The following C4orf50 variants were observed in gnomAD, a reference collection of about 807,000 sequenced individuals.
C4orf50 encodes the protein uncharacterized protein C4orf50.
Under a neutral mutation model 77.2 loss-of-function variants are expected in C4orf50, and 80 were observed. The ratio of observed to expected loss-of-function variants is 1.04; its 90% confidence interval spans 0.87 to 1.25. The LOEUF (loss-of-function observed/expected upper bound fraction) is 1.25, where lower values mean the gene tolerates loss of function less well. Ranked by LOEUF, C4orf50 falls within the 50% of genes most tolerant of loss-of-function variation. The probability of loss-of-function intolerance (pLI) is 0.00; values close to 1 mark genes in which losing one functional copy is unlikely to be tolerated. For synonymous variants in C4orf50, 532 were observed against 465.3 expected (o/e 1.14, Z -1.84); for missense variants, 1,257 against 1,152.9 (o/e 1.09, Z -1.31).
At chr4:5,938,141 C>T (rs989773571) in intron 7 of C4orf50, among the ~76,000 whole-genome samples, 2 of 152,194 alleles carry the variant, frequency 1.3e-5, no homozygotes, top group Admixed American at 6.5e-5. Context: ...TTCAAACATA[C>T]ATGGAACATT....
At chr4:5,980,394 CT>C in intron 28 of C4orf50, 56 bp from the exon 7 acceptor site, 8 of 1,534,700 alleles carry the variant, frequency 5.2e-6, no homozygotes, top group Non-Finnish European at 6.1e-6. Context: ...AGCAATTTGC[CT>C]TAGCCAACAA....
At chr4:6,000,000 G>T (rs1025412100) in intron 25 of C4orf50, among the ~76,000 whole-genome samples, 1 of 152,098 alleles carries the variant, frequency 6.6e-6, no homozygotes, top group Non-Finnish European at 1.5e-5. Flanking sequence ...GAACACCGGG[G>T]GCCTTGAATG....
chr4:5,941,125 ATCT>A (rs1287681917), intron 7 of C4orf50, among the ~76,000 whole-genome samples: 4 of 152,170 alleles, frequency 2.6e-5, no homozygotes, highest in African/African-American at 9.7e-5. Context: ...TATCTAATTT[ATCT>A]TCTTTCTTCT....
At chr4:5,993,871 A>T (rs555440643) in intron 26 of C4orf50, among the ~76,000 whole-genome samples, 1 of 149,600 alleles carries the variant, frequency 6.7e-6, no homozygotes, top group Non-Finnish European at 1.5e-5. Context: ...AAAAAAAAAG[A>T]GAGAGAGAGA....
At chr4:5,953,361 G>T (rs28372403), downstream of C4orf50, among the ~76,000 whole-genome samples, 613 of 152,266 alleles carry the variant, frequency 4.0e-3, 6 homozygotes, top group African/African-American at 0.014. Context: ...GAGGTTAAAT[G>T]ACTCACCTAG....
At chr4:5,986,472 T>C (rs181079708) in intron 28 of C4orf50, among the ~76,000 whole-genome samples, 20 of 152,274 alleles carry the variant, frequency 1.3e-4, no homozygotes, top group African/African-American at 4.8e-4. Context: ...TTGTTGCTTG[T>C]TTTTATTTCA....
At chr4:5,982,454 C>T (rs983534200) in intron 28 of C4orf50, among the ~76,000 whole-genome samples, 1 of 152,158 alleles carries the variant, frequency 6.6e-6, no homozygotes, top group Non-Finnish European at 1.5e-5. Flanking sequence ...CCTCCAGGAG[C>T]TCAGGCGGGT....
chr4:5,953,890 C>G (rs980585901), downstream of C4orf50, among the ~76,000 whole-genome samples: 4 of 152,222 alleles, frequency 2.6e-5, no homozygotes, highest in East Asian at 5.8e-4. Context: ...GCTGAGGCAG[C>G]CTCTGTAAAA....
chr4:5,978,373 A>G (rs1410906974), intron 29 of C4orf50, among the ~76,000 whole-genome samples: 1 of 152,242 alleles, frequency 6.6e-6, no homozygotes, highest in Non-Finnish European at 1.5e-5. Context: ...GACTAACTGA[A>G]ATTAAGAACT....
chr4:5,915,111 C>T (rs6828852), intron 7 of C4orf50, among the ~76,000 whole-genome samples: 9,038 of 152,222 alleles, frequency 0.059, 468 homozygotes, highest in African/African-American at 0.15. Flanking sequence ...CTCCTAACGA[C>T]CCTCCAGGGA....
In C4orf50 at chr4:5,908,388, C is replaced by A. The variant is rs1716648818; in HGVS notation, c.*2475-10200G>T. Among the ~76,000 whole-genome samples, 1 of 152,082 alleles carries A rather than the reference C, an allele frequency of 6.6e-6. No individual in the cohort carries two copies. Among genetic ancestry groups the A allele is most frequent in the Non-Finnish European group, 1.5e-5 (1 of 68,022 alleles). ...GCATGTGTGGGGATATCAGAGAGGA[C>A]CTCTGACTTCAACCAGTGGGCTCTG... On this transcript the variant is annotated intron_variant, in intron 7 of 7. Transcript: ENST00000324058. This position sits in a 1 kb window ranked among gnomAD's most constrained non-coding sequence, Gnocchi z 5.6.
At chr4:6,004,265 G>GTGGTGA (rs1309245274) in intron 25 of C4orf50, among the ~76,000 whole-genome samples, 1 of 33,066 alleles carries the variant, frequency 3.0e-5, no homozygotes, top group Non-Finnish European at 6.0e-5. Context: ...GATGGTGATG[G>GTGGTGA]TGGTGATGGT....
chr4:5,954,340 G>A (rs1480069711), downstream of C4orf50, among the ~76,000 whole-genome samples: 1 of 152,144 alleles, frequency 6.6e-6, no homozygotes, highest in African/African-American at 2.4e-5. This position sits in a 1 kb window ranked among gnomAD's most constrained non-coding sequence, Gnocchi z 4.7. Context: ...CAGCAGCTGG[G>A]AGCCCAGCTC....
exon 28 of C4orf50, chr4:5,988,746 C>T (rs567969253): frequency 2.0e-6 from 3 of 1,535,996 alleles, no homozygotes; most frequent in East Asian, 2.4e-5. Context: ...TGACTTCCCT[C>T]TCCAGGACAT....
At chr4:5,981,421 T>TC (rs1560580133) in intron 28 of C4orf50, among the ~76,000 whole-genome samples, 3 of 142,652 alleles carry the variant, frequency 2.1e-5, no homozygotes, top group Non-Finnish European at 3.0e-5. Flanking sequence ...TTTTTTTTTT[T>TC]GAGATGGAGT....
Position 5,989,181 on chromosome 4 carries a change from A to T in C4orf50, c.2865T>A (p.His955Gln), listed in dbSNP as rs569164645. The T allele has an allele frequency of 3.3e-6, 5 of 1,535,774 alleles. No homozygotes were observed. In the East Asian group the frequency reaches 1.2e-4, roughly 38 times the overall value. The change falls in exon 28 of 34, where the codon CAT (histidine) becomes CAA (glutamine). Residue 955 changes from histidine to glutamine, a missense_variant. Coordinates refer to ENST00000531445, the Ensembl canonical transcript of C4orf50. Reference sequence around the variant, plus strand: ...CTCTTTCAAGGGCGCACACTCTTTCATGGAACCTCTCTTGGTCTCCGTGAA... The same window carrying T: ...CTCTTTCAAGGGCGCACACTCTTTCTTGGAACCTCTCTTGGTCTCCGTGAA...
In C4orf50 at chr4:5,991,906, T is replaced by C. The variant is rs560560765; in HGVS notation, c.1221+897A>G. ...CCAGTGGGCAGCACCTCGTCCTCTG[T>C]TGTCTTTGCCTTTGTCTGCAATGTC... On this transcript the variant is annotated intron_variant, in intron 27 of 33. Transcript: ENST00000531445. Among the ~76,000 whole-genome samples, 7 of 152,284 alleles carry C rather than the reference T, an allele frequency of 4.6e-5. No individual in the cohort carries two copies. In the South Asian group the frequency reaches 1.5e-3, roughly 32 times the overall value.
chr4:6,003,352 T>G (rs1031851130), intron 25 of C4orf50, among the ~76,000 whole-genome samples: 2 of 152,220 alleles, frequency 1.3e-5, no homozygotes, highest in East Asian at 1.9e-4. Flanking sequence ...AATTACAGTG[T>G]AGGTAGTGAG....
At chr4:5,989,445 T>A (rs890581138) in exon 28 of C4orf50, 7 of 1,535,998 alleles carry the variant, frequency 4.6e-6, no homozygotes, top group Non-Finnish European at 6.1e-6. Flanking sequence ...ACTTCGCTTC[T>A]TCATTAGAAC....
Sources: allele counts gnomAD v4.1 joint callset (sites outside exome capture counted in the v4.1 genomes callset), GRCh38; gene constraint gnomAD v4.1.1; non-coding constraint Gnocchi (gnomAD v3.1); transcripts MANE v1.5; gene names NCBI Gene and HGNC (gene_info 2026-07-23, HGNC 2026-07-21).